Variants in CDIN1 observed in about 807,000 individuals in gnomAD.
CDIN1 encodes the protein CDAN1-interacting nuclease 1.
Under a neutral mutation model 45.3 loss-of-function variants are expected in CDIN1, and 33 were observed. That is an observed-to-expected ratio of 0.73 (90% CI 0.55 to 0.97). The LOEUF is 0.97. Among genes scored for constraint, CDIN1 ranks in the 50% least tolerant of loss-of-function variants. The pLI is 0.00. For missense variants in CDIN1, 303 were observed against 339.4 expected (o/e 0.89, Z 0.84); for synonymous variants, 118 against 124.4 (o/e 0.95, Z 0.34).
intron 10 of CDIN1, among the ~76,000 whole-genome samples, chr15:36,771,070 G>A (rs2054064798): frequency 6.6e-6 from 1 of 152,174 alleles, no homozygotes; most frequent in Non-Finnish European, 1.5e-5. Flanking sequence ...AGTGCCTCAG[G>A]GGAGGAAGAG....
chr15:36,697,859 A>G (rs559871118), intron 8 of CDIN1, among the ~76,000 whole-genome samples: 2 of 152,274 alleles, frequency 1.3e-5, no homozygotes, highest in South Asian at 4.1e-4. Context: ...TCATGGATTT[A>G]TTATGATTTT....
intron 10 of CDIN1, among the ~76,000 whole-genome samples, chr15:36,788,192 C>CCGCAACCT (rs1189322917): frequency 2.1e-5 from 3 of 143,072 alleles, no homozygotes; most frequent in Non-Finnish European, 1.5e-5. Context: ...TCTCGGCTTA[C>CCGCAACCT]CGCAACCTCT....
At chr15:36,709,775 G>A (rs1030927732) in intron 9 of CDIN1, 81 bp from the exon 10 acceptor site, 40 of 1,018,520 alleles carry the variant, frequency 3.9e-5, no homozygotes, top group Non-Finnish European at 6.2e-5. Flanking sequence ...TTAATGTGAA[G>A]CATAGAGAGG....
intron 10 of CDIN1, among the ~76,000 whole-genome samples, chr15:36,763,311 A>C (rs914707652): frequency 1.3e-5 from 2 of 152,248 alleles, no homozygotes; most frequent in South Asian, 4.1e-4. Flanking sequence ...GTGTCTGTTC[A>C]TATCCTTCAC....
chr15:36,715,754 A>C (rs2043195823), intron 10 of CDIN1, among the ~76,000 whole-genome samples: 1 of 152,174 alleles, frequency 6.6e-6, no homozygotes, highest in African/African-American at 2.4e-5. Context: ...GTTGATTGTG[A>C]GATATTGATG....
At chr15:36,705,835 A>T (rs1275291289) in intron 8 of CDIN1, 2 of 152,310 alleles carry the variant, frequency 1.3e-5, no homozygotes, top group Non-Finnish European at 1.5e-5. Context: ...AATAAGACAC[A>T]TAGGAAGGAT....
chr15:36,711,646 A>G (rs1159220743), intron 10 of CDIN1, among the ~76,000 whole-genome samples: 1 of 152,132 alleles, frequency 6.6e-6, no homozygotes, highest in Non-Finnish European at 1.5e-5. Context: ...TTCCCTGAGC[A>G]CATTGTTTGA....
At chr15:36,753,248 G>A (rs1263899125) in intron 10 of CDIN1, among the ~76,000 whole-genome samples, 2 of 152,086 alleles carry the variant, frequency 1.3e-5, no homozygotes, top group Non-Finnish European at 2.9e-5. Context: ...GGAGCTGGTG[G>A]TGTCTGCCAA....
intron 7 of CDIN1, among the ~76,000 whole-genome samples, chr15:36,694,621 A>G (rs2042360838): frequency 6.6e-6 from 1 of 152,068 alleles, no homozygotes; most frequent in African/African-American, 2.4e-5. Flanking sequence ...AGCCATGCCC[A>G]CCTACACCTT....
At chr15:36,600,024 G>A (rs992684447) in intron 1 of CDIN1, among the ~76,000 whole-genome samples, 1 of 152,230 alleles carries the variant, frequency 6.6e-6, no homozygotes, top group African/African-American at 2.4e-5. Context: ...CAAAGGTCAT[G>A]CTATGTTGGG....
chr15:36,662,652 T>C (rs911321582), intron 5 of CDIN1, among the ~76,000 whole-genome samples: 4 of 152,154 alleles, frequency 2.6e-5, no homozygotes, highest in Non-Finnish European at 5.9e-5. Flanking sequence ...GAATTCATGT[T>C]CTTCATTCCT....
chr15:36,799,228 G>C (rs1377935018), intron 10 of CDIN1: 2 of 59,362 alleles, frequency 3.4e-5, no homozygotes, highest in Non-Finnish European at 8.4e-5. Flanking sequence ...TCTCGTTTTA[G>C]TACTTAAGTA....
chr15:36,751,240 T>TATATAC (rs2053461768), intron 10 of CDIN1, among the ~76,000 whole-genome samples: 2 of 139,820 alleles, frequency 1.4e-5, no homozygotes, highest in Non-Finnish European at 3.1e-5. Flanking sequence ...TATATATATA[T>TATATAC]ATATATATAT....
intron 1 of CDIN1, among the ~76,000 whole-genome samples, chr15:36,636,051 C>T (rs1320731485): frequency 6.6e-6 from 1 of 151,890 alleles, no homozygotes; most frequent in East Asian, 1.9e-4. Flanking sequence ...TATGATCGAG[C>T]ATATTCCCAA....
In CDIN1 at chr15:36,579,842, T is replaced by A; in HGVS notation, c.-19T>A. ...GTGTTTTTTCCTTGTTCCCGCCACC[T>A]CCTGGTCCCTGGCCCAACATGATAC... On this transcript the variant is annotated 5_prime_UTR_variant, in exon 1 of 11. Coordinates refer to ENST00000566621, the MANE Select transcript of CDIN1 (RefSeq NM_001321759.2). 3.1e-6 allele frequency: 5 copies of A among 1,606,302 alleles called. No homozygotes were observed. Among genetic ancestry groups the A allele is most frequent in the Non-Finnish European group, 4.3e-6 (5 of 1,175,564 alleles).
intron 4 of CDIN1, among the ~76,000 whole-genome samples, chr15:36,654,923 A>C (rs1566871270): frequency 6.6e-6 from 1 of 152,242 alleles, no homozygotes; most frequent in Non-Finnish European, 1.5e-5. Flanking sequence ...CTGACTTGGA[A>C]CTGCTTATGC....
intron 1 of CDIN1, among the ~76,000 whole-genome samples, chr15:36,635,278 G>T (rs2039850092): frequency 6.6e-6 from 1 of 152,194 alleles, no homozygotes; most frequent in Non-Finnish European, 1.5e-5. Flanking sequence ...TCTGTCTGGA[G>T]AAAACATCAT....
intron 1 of CDIN1, among the ~76,000 whole-genome samples, chr15:36,606,635 A>G (rs74008668): frequency 1.5e-4 from 23 of 152,294 alleles, no homozygotes; most frequent in African/African-American, 5.5e-4. Context: ...TGGATAATTT[A>G]ATTTTCTCCC....
At chr15:36,623,698 T>C (rs2039301813) in intron 1 of CDIN1, among the ~76,000 whole-genome samples, 1 of 152,250 alleles carries the variant, frequency 6.6e-6, no homozygotes, top group South Asian at 2.1e-4. Flanking sequence ...AACTCGACTT[T>C]CTGGTCCTGT....
Sources: allele counts gnomAD v4.1 joint callset (sites outside exome capture counted in the v4.1 genomes callset), GRCh38; gene constraint gnomAD v4.1.1; transcripts MANE v1.5; gene names NCBI Gene and HGNC (gene_info 2026-07-23, HGNC 2026-07-21).